NXPH1: variants seen among roughly 807,000 people sequenced by gnomAD.
NXPH1 encodes neurexophilin 1.
Under a neutral mutation model 23.7 loss-of-function variants are expected in NXPH1, and 5 were observed. The ratio of observed to expected loss-of-function variants is 0.21; its 90% CI spans 0.11 to 0.44. NXPH1 has a LOEUF of 0.44. Ranked by LOEUF, NXPH1 falls within the 20% of genes least tolerant of loss-of-function variation. NXPH1 has a pLI of 0.99. For synonymous variants in NXPH1, 144 were observed against 122.2 expected, an observed-to-expected ratio of 1.18 and a Z score of -1.18; for missense variants, 324 against 321.6, an observed-to-expected ratio of 1.01 and a Z score of -0.06.
chr7:8,439,339 C>T (rs1816251536), intron 2 of NXPH1, among the ~76,000 whole-genome samples: 1 of 152,102 alleles, frequency 6.6e-6, no homozygotes, highest in African/African-American at 2.4e-5. Context: ...GGCCAGGACA[C>T]CAGGAAAGCA....
intron 2 of NXPH1, among the ~76,000 whole-genome samples, chr7:8,708,816 T>C (rs73053916): frequency 0.032 from 4,861 of 152,306 alleles, 136 homozygotes; most frequent in Middle Eastern, 0.13. Context: ...ACATCCTTGA[T>C]ATTCTCTATA....
At chr7:8,573,444 T>A (rs545593725) in intron 2 of NXPH1, among the ~76,000 whole-genome samples, 1 of 152,250 alleles carries the variant, frequency 6.6e-6, no homozygotes, top group African/African-American at 2.4e-5. Flanking sequence ...AATTTAGACT[T>A]GAAGAGTCAA....
chr7:8,713,046 T>TA (rs1197649428), intron 2 of NXPH1, among the ~76,000 whole-genome samples: 1 of 152,158 alleles, frequency 6.6e-6, no homozygotes, highest in Non-Finnish European at 1.5e-5. Context: ...CCATAACTCT[T>TA]ATATTTGCCA....
intron 2 of NXPH1, among the ~76,000 whole-genome samples, chr7:8,644,335 G>C (rs762987525): frequency 6.6e-6 from 1 of 152,196 alleles, no homozygotes; most frequent in Non-Finnish European, 1.5e-5. Context: ...ATGTCCTGCT[G>C]TTTGAATTTG....
At chr7:8,481,931 C>G (rs894756424) in intron 2 of NXPH1, among the ~76,000 whole-genome samples, 1 of 152,190 alleles carries the variant, frequency 6.6e-6, no homozygotes, top group Non-Finnish European at 1.5e-5. Flanking sequence ...GCAGAACAGG[C>G]TGACTAGCAC....
intron 2 of NXPH1, among the ~76,000 whole-genome samples, chr7:8,496,509 G>A (rs1031297969): frequency 6.6e-6 from 1 of 152,056 alleles, no homozygotes; most frequent in African/African-American, 2.4e-5. Flanking sequence ...GAAGAGCCTT[G>A]AGACCTGCCC....
chr7:8,632,069 T>C (rs1221981824), intron 2 of NXPH1, among the ~76,000 whole-genome samples: 1 of 152,200 alleles, frequency 6.6e-6, no homozygotes, highest in Non-Finnish European at 1.5e-5. Context: ...TAAGTTCAGC[T>C]TTGAGACCTT....
intron 2 of NXPH1, among the ~76,000 whole-genome samples, chr7:8,521,419 A>G (rs569596131): frequency 7.9e-5 from 12 of 152,284 alleles, no homozygotes; most frequent in Admixed American, 7.8e-4. Flanking sequence ...ATTCTAGCCA[A>G]TTGCATAGTA....
intron 2 of NXPH1, among the ~76,000 whole-genome samples, chr7:8,638,716 T>C (rs2115140987): frequency 6.6e-6 from 1 of 152,338 alleles, no homozygotes; most frequent in Middle Eastern, 3.4e-3. Context: ...TGAATGATTA[T>C]TGTGTTTAAT....
At chr7:8,494,089 C>G (rs1207312070) in intron 2 of NXPH1, among the ~76,000 whole-genome samples, 1 of 151,940 alleles carries the variant, frequency 6.6e-6, no homozygotes, top group Non-Finnish European at 1.5e-5. Flanking sequence ...AAGGCCTTTA[C>G]TGGGAATCAA....
chr7:8,593,186 T>C (rs1354993677), intron 2 of NXPH1, among the ~76,000 whole-genome samples: 3 of 151,520 alleles, frequency 2.0e-5, no homozygotes, highest in South Asian at 4.2e-4. Flanking sequence ...TTTTTTTTTT[T>C]CTATTTGTCT....
intron 2 of NXPH1, among the ~76,000 whole-genome samples, chr7:8,543,000 A>T (rs1030133900): frequency 3.3e-5 from 5 of 151,576 alleles, no homozygotes; most frequent in Admixed American, 3.3e-4. Flanking sequence ...CACTGAAAAC[A>T]CTTTTCCTTC....
At chr7:8,692,624 C>A (rs193290707) in intron 2 of NXPH1, among the ~76,000 whole-genome samples, 10 of 152,234 alleles carry the variant, frequency 6.6e-5, no homozygotes, top group African/African-American at 1.4e-4. Context: ...GCTACTCAAC[C>A]TTTCTCATAA....
intron 2 of NXPH1, among the ~76,000 whole-genome samples, chr7:8,447,244 C>G (rs1402395303): frequency 6.6e-6 from 1 of 152,222 alleles, no homozygotes; most frequent in Non-Finnish European, 1.5e-5. Flanking sequence ...AACAACTTTA[C>G]TCACATATTT....
At chr7:8,735,110 C>G (rs895814458) in intron 2 of NXPH1, among the ~76,000 whole-genome samples, 4 of 152,120 alleles carry the variant, frequency 2.6e-5, no homozygotes, top group Non-Finnish European at 5.9e-5. Flanking sequence ...GACTTCCTCT[C>G]TTCCTATTTG....
At chr7:8,570,056 C>G (rs1417261540) in intron 2 of NXPH1, among the ~76,000 whole-genome samples, 1 of 151,858 alleles carries the variant, frequency 6.6e-6, no homozygotes, top group African/African-American at 2.4e-5. Context: ...CTGTCTTTAC[C>G]TCACTTAACA....
At chr7:8,547,364 C>G (rs901910726) in intron 2 of NXPH1, among the ~76,000 whole-genome samples, 15 of 151,478 alleles carry the variant, frequency 9.9e-5, no homozygotes, top group African/African-American at 3.4e-4. Context: ...GGCCCTGAAG[C>G]TTAAGCTTCA....
intron 2 of NXPH1, among the ~76,000 whole-genome samples, chr7:8,735,715 C>A (rs367644896): frequency 6.6e-6 from 1 of 152,142 alleles, no homozygotes; most frequent in South Asian, 2.1e-4. Flanking sequence ...AGGAATGGTA[C>A]CAGCTTCTCT....
At chr7:8,681,356 T>A (rs1821045967) in intron 2 of NXPH1, among the ~76,000 whole-genome samples, 1 of 152,210 alleles carries the variant, frequency 6.6e-6, no homozygotes. Context: ...TAAGTAATAT[T>A]TTGAGACAAT....
Sources: allele counts gnomAD v4.1 joint callset (sites outside exome capture counted in the v4.1 genomes callset), GRCh38; gene constraint gnomAD v4.1.1; transcripts MANE v1.5; gene names NCBI Gene and HGNC (gene_info 2026-07-23, HGNC 2026-07-21).